The following LSAMP variants were observed in gnomAD, a reference collection of about 807,000 sequenced individuals.
LSAMP encodes the protein limbic system-associated membrane protein.
In LSAMP, 7 loss-of-function variants were observed where a neutral mutation model predicts 38.6. That is an observed-to-expected ratio of 0.18 (90% confidence interval 0.10 to 0.34). The LOEUF (loss-of-function observed/expected upper bound fraction) is 0.34, where lower values mean the gene tolerates loss of function less well. LSAMP is among the 10% of genes least tolerant of loss of function. The pLI is 1.00. For missense variants in LSAMP, 313 were observed against 420.0 expected (o/e 0.75, Z 2.23); for synonymous variants, 154 against 166.8 (o/e 0.92, Z 0.59).
At chr3:115,989,847 C>T (rs1939616972) in intron 3 of LSAMP, among the ~76,000 whole-genome samples, 1 of 152,030 alleles carries the variant, frequency 6.6e-6, no homozygotes, top group Non-Finnish European at 1.5e-5. Context: ...TGAGCACATC[C>T]AGGCTGAGGA....
chr3:115,957,447 A>G (rs1938488675), intron 3 of LSAMP, among the ~76,000 whole-genome samples: 2 of 148,836 alleles, frequency 1.3e-5, no homozygotes, highest in South Asian at 4.3e-4. Flanking sequence ...CCCATCACCT[A>G]TTTTTTTTTT....
At chr3:115,831,731 C>T (rs956074715) in intron 6 of LSAMP, among the ~76,000 whole-genome samples, 5 of 152,222 alleles carry the variant, frequency 3.3e-5, no homozygotes, top group South Asian at 4.1e-4. Context: ...TTATGCAATT[C>T]AGGACTCACT....
chr3:115,934,191 T>TA (rs1005718416), intron 3 of LSAMP, among the ~76,000 whole-genome samples: 27 of 150,976 alleles, frequency 1.8e-4, no homozygotes, highest in African/African-American at 2.4e-4. Flanking sequence ...TATTTTATTT[T>TA]TTTTTCAGTC....
intron 2 of LSAMP, among the ~76,000 whole-genome samples, chr3:116,036,255 T>G (rs1941042855): frequency 6.6e-6 from 1 of 152,180 alleles, no homozygotes; most frequent in African/African-American, 2.4e-5. Context: ...GTTTCCTGAC[T>G]ATGACCACTG....
At chr3:116,060,722 C>T (rs550242010) in intron 2 of LSAMP, among the ~76,000 whole-genome samples, 6 of 152,098 alleles carry the variant, frequency 3.9e-5, no homozygotes, top group East Asian at 3.9e-4. Flanking sequence ...ATAGTGCCAT[C>T]GTACTCCAGC....
intron 1 of LSAMP, among the ~76,000 whole-genome samples, chr3:116,171,801 T>C (rs969263791): frequency 2.0e-5 from 3 of 151,856 alleles, no homozygotes; most frequent in Admixed American, 2.0e-4. Flanking sequence ...GAAGAGAGGA[T>C]CAACTTTTAG....
At chr3:116,284,008 A>C (rs1325053853) in intron 1 of LSAMP, among the ~76,000 whole-genome samples, 1 of 152,146 alleles carries the variant, frequency 6.6e-6, no homozygotes, top group Non-Finnish European at 1.5e-5. Context: ...TCTGTCTCCC[A>C]AAAAAATAAA....
intron 1 of LSAMP, among the ~76,000 whole-genome samples, chr3:116,349,082 A>G (rs947408081): frequency 2.0e-5 from 3 of 152,100 alleles, no homozygotes; most frequent in Non-Finnish European, 4.4e-5. Context: ...GATAATATCT[A>G]TATCTAATGA....
At chr3:116,098,139 C>T (rs1708264270) in intron 1 of LSAMP, among the ~76,000 whole-genome samples, 1 of 152,134 alleles carries the variant, frequency 6.6e-6, no homozygotes, top group South Asian at 2.1e-4. Flanking sequence ...CTATCACAGG[C>T]AAAGGAAATG....
rs1393130545 is a variant in LSAMP at position 116,426,482 on chromosome 3, A to G, written c.155+18395T>C. ...GTCTCAAAAAAAAAAAAAAAAAAAA[A>G]GAACTCAACACATGAAAAGACCGAG... On this transcript the variant is annotated intron_variant, in intron 1 of 6. Transcript: ENST00000490035. 2.8e-5 allele frequency among the ~76,000 whole-genome samples: 4 copies of G among 142,588 alleles called. No individual in the cohort carries two copies. The East Asian group carries it at 6.1e-4, about 22-fold the overall frequency. 93.5% of individuals were successfully genotyped at this position (142,588 alleles called of 152,430 possible).
intron 2 of LSAMP, among the ~76,000 whole-genome samples, chr3:116,023,620 A>C (rs1339695533): frequency 2.6e-5 from 4 of 151,830 alleles, no homozygotes; most frequent in Admixed American, 2.0e-4. Flanking sequence ...AAAAAAAAAA[A>C]AAAACGGTTT....
intron 3 of LSAMP, among the ~76,000 whole-genome samples, chr3:116,013,051 G>T (rs531700206): frequency 2.0e-5 from 3 of 152,262 alleles, no homozygotes; most frequent in South Asian, 2.1e-4. Context: ...CCCACCCAAG[G>T]TTCCACCATG....
intron 1 of LSAMP, among the ~76,000 whole-genome samples, chr3:116,154,584 T>C (rs564691765): frequency 1.3e-5 from 2 of 152,272 alleles, no homozygotes; most frequent in East Asian, 3.9e-4. Context: ...CTAAATTCTT[T>C]AGCCTCACCT....
intron 3 of LSAMP, among the ~76,000 whole-genome samples, chr3:115,969,754 G>A (rs1430037885): frequency 6.6e-6 from 1 of 152,126 alleles, no homozygotes; most frequent in African/African-American, 2.4e-5. Context: ...AAGATCTTCT[G>A]GGGTAAGGCT....
intron 2 of LSAMP, among the ~76,000 whole-genome samples, chr3:116,040,856 T>C (rs1941155359): frequency 6.6e-6 from 1 of 152,236 alleles, no homozygotes. Flanking sequence ...GCAATCCTTC[T>C]GAGTTGCTAG....
At chr3:115,880,397 T>G (rs1435586906) in intron 3 of LSAMP, among the ~76,000 whole-genome samples, 2 of 152,188 alleles carry the variant, frequency 1.3e-5, no homozygotes, top group Admixed American at 6.6e-5. Flanking sequence ...TTACTTCAAA[T>G]TCTTAAATTT....
intron 3 of LSAMP, among the ~76,000 whole-genome samples, chr3:116,004,550 A>C (rs966242556): frequency 4.7e-5 from 7 of 149,608 alleles, no homozygotes; most frequent in Admixed American, 3.4e-4. Flanking sequence ...ACACACACGT[A>C]GGTGCATATA....
chr3:116,326,164 A>T (rs1272362576), intron 1 of LSAMP, among the ~76,000 whole-genome samples: 1 of 152,112 alleles, frequency 6.6e-6, no homozygotes, highest in African/African-American at 2.4e-5. Flanking sequence ...AATCATTAAG[A>T]TGAATTCTCA....
At chr3:116,214,092 A>T (rs574089445) in intron 1 of LSAMP, among the ~76,000 whole-genome samples, 1 of 152,224 alleles carries the variant, frequency 6.6e-6, no homozygotes, top group Admixed American at 6.5e-5. Flanking sequence ...TAAAAAATTT[A>T]TGGGATATTT....
Sources: gnomAD v4.1 joint callset for allele counts (sites outside exome capture counted in the v4.1 genomes callset) on GRCh38, gnomAD v4.1.1 for gene constraint, MANE v1.5 for transcripts, NCBI Gene and HGNC (gene_info 2026-07-23, HGNC 2026-07-21) for gene names.